The following ELAVL4 variants were observed in gnomAD, a reference collection of about 807,000 sequenced individuals.
The protein encoded by ELAVL4 is ELAV like RNA binding protein 4, also known as ELAV-like protein 4.
ELAVL4 carries 1 observed loss-of-function variant against 35.6 expected under a neutral mutation model. The ratio of observed to expected loss-of-function variants is 0.03; its 90% CI spans 0.01 to 0.13. The LOEUF is 0.13. Among genes scored for constraint, ELAVL4 ranks in the 10% least tolerant of loss-of-function variants. ELAVL4 has a pLI of 1.00. For missense variants in ELAVL4, 267 were observed against 464.9 expected (o/e 0.57, Z 3.91); for synonymous variants, 156 against 171.0 (o/e 0.91, Z 0.69).
At chr1:50,188,674 A>C (rs1048717961) in intron 3 of ELAVL4, among the ~76,000 whole-genome samples, 6 of 152,196 alleles carry the variant, frequency 3.9e-5, no homozygotes, top group Non-Finnish European at 8.8e-5. Flanking sequence ...TGCCCCCATA[A>C]GACTGAGAGC....
chr1:50,110,975 G>A (rs1251453793), intron 1 of ELAVL4, among the ~76,000 whole-genome samples: 1 of 151,962 alleles, frequency 6.6e-6, no homozygotes, highest in Non-Finnish European at 1.5e-5. Flanking sequence ...TAAAAAAAAA[G>A]GGGAGGGGGA....
At chr1:50,174,022 C>A (rs1325997256) in intron 2 of ELAVL4, among the ~76,000 whole-genome samples, 8 of 152,140 alleles carry the variant, frequency 5.3e-5, no homozygotes, top group Non-Finnish European at 1.2e-4. Context: ...GTACACTTAG[C>A]ATACAGAACT....
chr1:50,163,637 C>G (rs535290336), intron 2 of ELAVL4, among the ~76,000 whole-genome samples: 19 of 152,166 alleles, frequency 1.2e-4, no homozygotes, highest in African/African-American at 3.6e-4. Context: ...ACCAGCCTGG[C>G]CAACATTGCA....
intron 1 of ELAVL4, among the ~76,000 whole-genome samples, chr1:50,073,616 C>A (rs1332067639): frequency 6.6e-6 from 1 of 151,890 alleles, no homozygotes; most frequent in African/African-American, 2.4e-5. Context: ...GAAAAAACAA[C>A]CCCTTACCTT....
intron 1 of ELAVL4, among the ~76,000 whole-genome samples, chr1:50,114,266 T>C (rs1667571923): frequency 6.6e-6 from 1 of 151,996 alleles, no homozygotes; most frequent in African/African-American, 2.4e-5. Context: ...GATGTTTTTC[T>C]TTGAGGGCAT....
At chr1:50,111,363 A>C (rs1667047834) in intron 1 of ELAVL4, among the ~76,000 whole-genome samples, 1 of 152,098 alleles carries the variant, frequency 6.6e-6, no homozygotes, top group South Asian at 2.1e-4. Flanking sequence ...CGGAAGCATA[A>C]TAGTGAACTC....
chr1:50,103,176 G>A (rs1226299931), upstream of ELAVL4, among the ~76,000 whole-genome samples: 2 of 152,204 alleles, frequency 1.3e-5, no homozygotes, highest in African/African-American at 2.4e-5. Context: ...AACTCTTGGC[G>A]ATTTAGACAG....
chr1:50,197,330 C>CT (rs762300014), intron 5 of ELAVL4, 99 bp from the exon 6 acceptor site: 5 of 1,295,240 alleles, frequency 3.9e-6, no homozygotes, highest in Non-Finnish European at 5.2e-6. Flanking sequence ...AGTTGTTGAG[C>CT]TTTTCTTCTT....
chr1:50,171,061 A>C (rs1678914450), intron 2 of ELAVL4, among the ~76,000 whole-genome samples: 2 of 152,164 alleles, frequency 1.3e-5, no homozygotes, highest in African/African-American at 4.8e-5. Flanking sequence ...CCACATACTT[A>C]GTTTGAGGAA....
intron 1 of ELAVL4, among the ~76,000 whole-genome samples, chr1:50,074,333 T>G (rs1664665494): frequency 6.6e-6 from 1 of 152,228 alleles, no homozygotes; most frequent in Admixed American, 6.5e-5. Context: ...CTTGAGTGAA[T>G]TAAAGGATGA....
At chr1:50,081,405 A>G (rs965030136) in intron 1 of ELAVL4, among the ~76,000 whole-genome samples, 2 of 152,230 alleles carry the variant, frequency 1.3e-5, no homozygotes. Context: ...CTAGATGCAC[A>G]CTAGCTTTCA....
Position 50,066,560 on chromosome 1 carries a change from G to A in ELAVL4, c.18+18378G>A, listed in dbSNP as rs562748748. The stretch of plus-strand genomic sequence containing the variant: ...TTGTCACATGGCTGCCTCAAACTCA[G>A]CACGTCCAGATGCATAACCAGACAT... On this transcript the variant is annotated intron_variant, in intron 1 of 6. Transcript: ENST00000448907. Among the ~76,000 whole-genome samples, 5 of 152,202 alleles carry A rather than the reference G, an allele frequency of 3.3e-5. No individual in the cohort carries two copies. The South Asian group carries it at 1.0e-3, about 32-fold the overall frequency.
chr1:50,127,604 G>A (rs1670161865), intron 1 of ELAVL4, among the ~76,000 whole-genome samples: 1 of 152,182 alleles, frequency 6.6e-6, no homozygotes, highest in South Asian at 2.1e-4. Flanking sequence ...CTAGAGGGCA[G>A]TGATCAAGTG....
intron 2 of ELAVL4, among the ~76,000 whole-genome samples, chr1:50,146,519 A>G (rs969192217): frequency 2.0e-5 from 3 of 152,132 alleles, no homozygotes; most frequent in African/African-American, 7.2e-5. Context: ...TAAATCTATT[A>G]TTGTAAGTAC....
chr1:50,199,465 G>A (rs544889236), intron 6 of ELAVL4, among the ~76,000 whole-genome samples: 15 of 152,126 alleles, frequency 9.9e-5, no homozygotes, highest in African/African-American at 3.6e-4. Context: ...CACCATTTTG[G>A]GAGGCCAAGG....
chr1:50,167,938 T>G (rs1048388840), intron 2 of ELAVL4, among the ~76,000 whole-genome samples: 1 of 152,194 alleles, frequency 6.6e-6, no homozygotes, highest in African/African-American at 2.4e-5. Context: ...AGCCAAACCA[T>G]TGGCTACAGC....
chr1:50,086,170 T>G (rs987234396), intron 1 of ELAVL4, among the ~76,000 whole-genome samples: 1 of 152,100 alleles, frequency 6.6e-6, no homozygotes, highest in Non-Finnish European at 1.5e-5. Context: ...ATGTAGGCCA[T>G]TCCGTCAATA....
chr1:50,127,104 G>A (rs1163015137), intron 1 of ELAVL4, among the ~76,000 whole-genome samples: 1 of 152,038 alleles, frequency 6.6e-6, no homozygotes, highest in Non-Finnish European at 1.5e-5. Context: ...ATCTCAGCAT[G>A]CTGAGAAAGA....
At chr1:50,085,894 CT>C (rs1665217926) in intron 1 of ELAVL4, among the ~76,000 whole-genome samples, 1 of 152,150 alleles carries the variant, frequency 6.6e-6, no homozygotes, top group African/African-American at 2.4e-5. Flanking sequence ...GAGATATCCC[CT>C]TAGCATTATT....
Sources: gnomAD v4.1 joint callset for allele counts (sites outside exome capture counted in the v4.1 genomes callset) on GRCh38, gnomAD v4.1.1 for gene constraint, MANE v1.5 for transcripts, NCBI Gene and HGNC (gene_info 2026-07-23, HGNC 2026-07-21) for gene names.